Variants in PANK2 observed in about 807,000 individuals in gnomAD.
PANK2 encodes the protein pantothenate kinase 2, also known as pantothenate kinase 2, mitochondrial.
Under a neutral mutation model 43.1 loss-of-function variants are expected in PANK2, and 36 were observed. That is an observed-to-expected ratio of 0.84 (90% CI 0.64 to 1.10). The LOEUF (loss-of-function observed/expected upper bound fraction) is 1.10. Ranked by LOEUF, PANK2 falls within the 50% of genes least tolerant of loss-of-function variation. The pLI is 0.00. For missense variants in PANK2, 576 were observed against 593.3 expected (o/e 0.97, Z 0.30); for synonymous variants, 281 against 238.2 (o/e 1.18, Z -1.66).
intron 1 of PANK2, among the ~76,000 whole-genome samples, chr20:3,903,631 ATT>A (rs534545148): frequency 3.0e-5 from 4 of 133,456 alleles, no homozygotes; most frequent in Non-Finnish European, 1.6e-5. Flanking sequence ...CGCCCAGCTA[ATT>A]TTTTTTTTTT....
intron 1 of PANK2, chr20:3,901,610 G>A (rs139251997): frequency 3.1e-6 from 3 of 980,830 alleles, no homozygotes; most frequent in African/African-American, 1.8e-5. Context: ...TTCCTATGTC[G>A]AAATCATGTA....
intron 1 of PANK2, chr20:3,889,929 A>G (rs1055174273): frequency 2.0e-6 from 3 of 1,531,044 alleles, no homozygotes; most frequent in Non-Finnish European, 2.6e-6. Flanking sequence ...CCCCGCACCC[A>G]TTGGTATGCA....
intron 1 of PANK2, among the ~76,000 whole-genome samples, chr20:3,890,619 T>C (rs1429168948): frequency 6.6e-6 from 1 of 152,184 alleles, no homozygotes; most frequent in Non-Finnish European, 1.5e-5. Flanking sequence ...TTTTGGTGGG[T>C]GTTGCCAGAT....
chr20:3,898,949 A>G (rs1275768902), intron 1 of PANK2, among the ~76,000 whole-genome samples: 1 of 151,592 alleles, frequency 6.6e-6, no homozygotes, highest in Admixed American at 6.6e-5. Flanking sequence ...ACCTCGGCTC[A>G]CTGCACCCTC....
chr20:3,903,533 C>A lies in PANK2; in HGVS notation c.299-4393C>A, dbSNP rs1185971436. Among the ~76,000 whole-genome samples the A allele has an allele frequency of 3.7e-5, 5 of 135,674 alleles. No individual in the cohort carries two copies. In the Admixed American group the frequency reaches 4.2e-4, roughly 11 times the overall value. 89.0% of individuals were successfully genotyped at this position (135,674 alleles called of 152,430 possible). ...CCAGGCTGGAGTGCAATGGCATGAT[C>A]TCGGCTAACTGTAACCTCTGCCTCC... On this transcript the variant is annotated intron_variant, in intron 1 of 6. Transcript: ENST00000610179.
upstream of PANK2, chr20:3,889,318 C>T (rs1322265493): frequency 1.9e-6 from 3 of 1,593,798 alleles, no homozygotes; most frequent in Non-Finnish European, 1.7e-6. Context: ...GGGCCGTCCC[C>T]AGCCTCGTCG....
At chr20:3,908,322 G>A (rs760504146) in intron 2 of PANK2, 44 bp downstream of exon 2, 2 of 1,484,698 alleles carry the variant, frequency 1.3e-6, no homozygotes, top group Admixed American at 1.8e-5. Context: ...TAATTTGATT[G>A]TTAAAAATAA....
chr20:3,920,425 G>A (rs1046627125), intron 6 of PANK2, among the ~76,000 whole-genome samples: 3 of 152,188 alleles, frequency 2.0e-5, no homozygotes, highest in Non-Finnish European at 4.4e-5. Context: ...GCTGAGACAG[G>A]AGAATCTCTT....
In PANK2 at chr20:3,910,308, G is replaced by T. The variant is rs117565175; in HGVS notation, c.652-269G>T. On this transcript the variant is annotated intron_variant, in intron 2 of 6. Transcript: ENST00000610179. ...ATAAATGCTGTGGTTTTTTTTTTTTGTTTTTTTTGTTTTTTTTTTGGTCAC... is the reference window on the plus strand; with the variant it reads ...ATAAATGCTGTGGTTTTTTTTTTTTTTTTTTTTTGTTTTTTTTTTGGTCAC... 1.2e-3 allele frequency among the ~76,000 whole-genome samples: 151 copies of T among 123,890 alleles called. No homozygotes were observed. Among genetic ancestry groups the T allele is most frequent in the East Asian group, 3.7e-3 (13 of 3,496 alleles). 81.3% of individuals were successfully genotyped at this position (123,890 alleles called of 152,430 possible). A position where few individuals can be genotyped will look rare whatever the true frequency, so the allele number is the denominator to read the frequency against.
At chr20:3,912,770 T>C in intron 4 of PANK2, 136 bp downstream of exon 4, 1 of 905,374 alleles carries the variant, frequency 1.1e-6, no homozygotes, top group East Asian at 2.6e-5. Flanking sequence ...GCCAACATAG[T>C]GTAACCCTGT....
rs71647829 is a variant in PANK2, at chr20:3,889,619, C to G, written c.189C>G (p.Pro63=). 2,118 of 1,542,550 alleles carry G rather than the reference C, an allele frequency of 1.4e-3. 29 individuals carry two copies. In the African/African-American group the frequency reaches 0.027, roughly 19 times the overall value. Residue 63 remains proline, a synonymous_variant, in exon 1 of 7, where the codon CCC becomes CCG. Coordinates refer to ENST00000610179, the MANE Select transcript of PANK2 (RefSeq NM_001386393.1). ...GCCGGGCGAGCAGCGCGTCGGTGCC[C>G]GCGGTCGGGGCCTCGGCTGAGGGCA...
intron 2 of PANK2, among the ~76,000 whole-genome samples, chr20:3,909,156 A>G (rs544742465): frequency 2.0e-5 from 3 of 152,284 alleles, no homozygotes; most frequent in East Asian, 3.9e-4. Context: ...CAATGGCTCA[A>G]CACAACCTCC....
chr20:3,928,250 C>T lies in PANK2; in HGVS notation c.*4956C>T, dbSNP rs894169415. The T allele has an allele frequency of 7.9e-5, 12 of 152,172 alleles. No individual in the cohort carries two copies. Among genetic ancestry groups the T allele is most frequent in the African/African-American group, 2.7e-4 (11 of 41,414 alleles). 9.4% of individuals were successfully genotyped at this position (152,172 alleles called of 1,614,324 possible). ...GAGTGGATGTGATAGAGAATTTTTT[C>T]TCAAGTTTTGGGTTAGGGCACCAGT... is the stretch of plus-strand genomic sequence containing the variant. On this transcript the variant is annotated 3_prime_UTR_variant, in exon 7 of 7. Coordinates refer to ENST00000610179, the MANE Select transcript of PANK2 (RefSeq NM_001386393.1).
Position 3,927,369 on chromosome 20 carries a change from T to C in PANK2, c.*4075T>C, listed in dbSNP as rs2090737381. ...GTCAATTACATGCATGTTTTATTTT[T>C]GAGGAGTGATTAGCAAAATGCATTA... On this transcript the variant is annotated 3_prime_UTR_variant, in exon 7 of 7. Transcript: ENST00000610179. The C allele has an allele frequency of 6.6e-6, 1 of 152,212 alleles. No individual in the cohort carries two copies. Among genetic ancestry groups the C allele is most frequent in the Non-Finnish European group, 1.5e-5 (1 of 68,040 alleles). The allele number at this position is 152,212 out of a possible 1,614,324, so 9.4% of individuals were successfully genotyped here.
chr20:3,896,482 C>T (rs908898207), intron 1 of PANK2, among the ~76,000 whole-genome samples: 1 of 152,054 alleles, frequency 6.6e-6, no homozygotes, highest in Non-Finnish European at 1.5e-5. Context: ...TTAGAAACTC[C>T]ACAGTGATGT....
intron 1 of PANK2, chr20:3,891,211 G>A (rs1031503406): frequency 2.0e-5 from 3 of 152,046 alleles, no homozygotes; most frequent in African/African-American, 7.3e-5. Flanking sequence ...CACTATGCCA[G>A]GCTAATTTTT....
At position 3,923,242 on chromosome 20, in the gene PANK2, A is replaced by G; in HGVS notation, c.1333-2A>G. ...ACTTATTTTTGGTGTATTTTCTTTC[A>G]GGGTTATTTTGGAGCTGTTGGAGCA... On this transcript the variant is annotated splice_acceptor_variant, in intron 6 of 6. Coordinates refer to ENST00000610179, the MANE Select transcript of PANK2 (RefSeq NM_001386393.1). LOFTEE classifies it high-confidence loss of function. 1.2e-6 allele frequency: 2 copies of G among 1,614,116 alleles called. No homozygotes were observed. The highest frequency in any genetic ancestry group is 1.7e-6 in the Non-Finnish European group (2 of 1,179,994).
At chr20:3,895,499 T>TC (rs1399174795) in intron 1 of PANK2, among the ~76,000 whole-genome samples, 16 of 130,946 alleles carry the variant, frequency 1.2e-4, no homozygotes, top group Admixed American at 1.6e-4. Flanking sequence ...TTTTTTTTTC[T>TC]TTTTTTTTTT....
Position 3,889,549 on chromosome 20 carries a change from A to G in PANK2, c.119A>G (p.Gln40Arg), listed in dbSNP as rs1003520979. 5 of 1,421,890 alleles carry G rather than the reference A, an allele frequency of 3.5e-6. No homozygotes were observed. In the African/African-American group the frequency reaches 7.6e-5, roughly 21 times the overall value. 88.1% of individuals were successfully genotyped at this position (1,421,890 alleles called of 1,614,324 possible). A position where few individuals can be genotyped will look rare whatever the true frequency, so the allele number is the denominator to read the frequency against. ...ACCTCCGTCTCGTCGGCTGGGGAGCAGGCGGCCGGGGACCCCGAAGGGCGG... is the reference window on the plus strand; with the variant it reads ...ACCTCCGTCTCGTCGGCTGGGGAGCGGGCGGCCGGGGACCCCGAAGGGCGG... Residue 40 changes from glutamine to arginine, a missense_variant, in exon 1 of 7, where the codon CAG becomes CGG. Around this residue, in one of 2 missense-constraint regions of PANK2, gnomAD observed 544 missense variants for 528.9 expected, o/e 1.03. Transcript: ENST00000610179.
Sources: allele counts gnomAD v4.1 joint callset (sites outside exome capture counted in the v4.1 genomes callset), GRCh38; gene constraint gnomAD v4.1.1; regional missense constraint gnomAD v4.1.1; transcripts MANE v1.5; gene names NCBI Gene and HGNC (gene_info 2026-07-23, HGNC 2026-07-21).